PSMF1: variants seen among roughly 807,000 people sequenced by gnomAD.
PSMF1 encodes the protein proteasome inhibitor PI31 subunit.
Under a neutral mutation model 29.3 loss-of-function variants are expected in PSMF1, and 30 were observed. That is an observed-to-expected ratio of 1.02 (90% CI 0.77 to 1.39). The LOEUF (loss-of-function observed/expected upper bound fraction) is 1.39. Among genes scored for constraint, PSMF1 ranks in the 40% most tolerant of loss-of-function variants. The probability of loss-of-function intolerance (pLI) is 0.00; values close to 1 mark genes in which losing one functional copy is unlikely to be tolerated. For synonymous variants in PSMF1, 134 were observed against 139.7 expected (o/e 0.96, Z 0.29); for missense variants, 344 against 357.5 (o/e 0.96, Z 0.31).
intron 3 of PSMF1, among the ~76,000 whole-genome samples, chr20:1,127,822 C>A (rs1385633210): frequency 6.6e-6 from 1 of 152,020 alleles, no homozygotes; most frequent in Non-Finnish European, 1.5e-5. Context: ...CTCATTGGGT[C>A]CCCAACCCCA....
chr20:1,138,669 T>A (rs765412107), intron 4 of PSMF1, among the ~76,000 whole-genome samples: 1 of 151,170 alleles, frequency 6.6e-6, no homozygotes, highest in Non-Finnish European at 1.5e-5. Context: ...ACAAAAAAAA[T>A]TAAAAATTAG....
At chr20:1,141,980 G>A (rs994424514) in intron 4 of PSMF1, among the ~76,000 whole-genome samples, 2 of 152,094 alleles carry the variant, frequency 1.3e-5, no homozygotes, top group Non-Finnish European at 2.9e-5. Flanking sequence ...GCACTTTGGA[G>A]GCCGAAGAGG....
chr20:1,123,806 A>G (rs1452201797), intron 1 of PSMF1, among the ~76,000 whole-genome samples: 1 of 152,268 alleles, frequency 6.6e-6, no homozygotes, highest in Non-Finnish European at 1.5e-5. Context: ...GCCCACCAGC[A>G]GGGACTGGAG....
At chr20:1,161,823 T>G (rs1005143464) in intron 4 of PSMF1, 1 of 325,606 alleles carries the variant, frequency 3.1e-6, no homozygotes, top group Non-Finnish European at 5.7e-6. Context: ...GGAAAGAAAT[T>G]TGTCCTTGAA....
upstream of PSMF1, among the ~76,000 whole-genome samples, chr20:1,115,894 G>A (rs931609422): frequency 2.0e-4 from 31 of 151,836 alleles, no homozygotes; most frequent in African/African-American, 6.8e-4. Context: ...CACCACGCCC[G>A]GCTAATTTTT....
chr20:1,146,807 C>T (rs1304014106), intron 4 of PSMF1, among the ~76,000 whole-genome samples: 1 of 152,182 alleles, frequency 6.6e-6, no homozygotes. Context: ...ATAATTATAG[C>T]TGTGTCAAAG....
At chr20:1,124,680 C>T (rs556397879) in intron 1 of PSMF1, among the ~76,000 whole-genome samples, 67 of 152,330 alleles carry the variant, frequency 4.4e-4, no homozygotes, top group African/African-American at 1.6e-3. Context: ...GCAGCATAGT[C>T]ATACAGAATG....
chr20:1,142,398 C>A (rs930573764), intron 4 of PSMF1, among the ~76,000 whole-genome samples: 4 of 152,072 alleles, frequency 2.6e-5, no homozygotes, highest in African/African-American at 9.7e-5. Flanking sequence ...TTAGGTATTT[C>A]TCCTAATGCT....
intron 4 of PSMF1, among the ~76,000 whole-genome samples, chr20:1,153,848 A>G (rs986228736): frequency 2.6e-5 from 4 of 152,198 alleles, no homozygotes; most frequent in Non-Finnish European, 5.9e-5. Context: ...TCAGTTGACC[A>G]AAGAAACAAG....
chr20:1,126,339 GCTGTATGTATTATA>G (rs1369844777), intron 2 of PSMF1, among the ~76,000 whole-genome samples: 2 of 152,118 alleles, frequency 1.3e-5, no homozygotes, highest in Non-Finnish European at 1.5e-5. Context: ...GAAGTATCCT[GCTGTATGTATTATA>G]CTGCACTTTG....
rs937422150 is a variant in PSMF1 at position 1,125,843 on chromosome 20, C to G, written c.282+193C>G. 9 of 757,674 alleles carry G rather than the reference C, an allele frequency of 1.2e-5. No individual in the cohort carries two copies. In the African/African-American group the frequency reaches 1.5e-4, roughly 13 times the overall value. The allele number at this position is 757,674 out of a possible 1,614,324, so 46.9% of individuals were successfully genotyped here. A position where few individuals can be genotyped will look rare whatever the true frequency, so the allele number is the denominator to read the frequency against. On this transcript the variant is annotated intron_variant, in intron 2 of 6. Transcript: ENST00000335877. ...CTTCGTGCACAAAGGTATCCACCAC[C>G]TGGAATTAAGAAGGAGGGGCTTTCT...
Position 1,170,257 on chromosome 20 carries a change from T to TA in PSMF1, c.*5180dup, listed in dbSNP as rs2086777079. Among the ~76,000 whole-genome samples the TA allele has an allele frequency of 1.3e-5, 2 of 152,194 alleles. No homozygotes were observed. Among genetic ancestry groups the TA allele is most frequent in the South Asian group, 4.1e-4 (2 of 4,830 alleles). ...GTTCTCCATGAGATTTGTGTAAACT[T>TA]AAAGTGAGAGAAGCTCACATGGACT... On this transcript the variant is annotated 3_prime_UTR_variant, in exon 7 of 7. Transcript: ENST00000335877.
chr20:1,169,948 G>A lies in PSMF1; in HGVS notation c.*4868G>A, dbSNP rs2122636735. Among the ~76,000 whole-genome samples, 1 of 152,296 alleles carries A rather than the reference G, an allele frequency of 6.6e-6. No individual in the cohort carries two copies. Among genetic ancestry groups the A allele is most frequent in the Admixed American group, 6.5e-5 (1 of 15,302 alleles). On this transcript the variant is annotated 3_prime_UTR_variant, in exon 7 of 7. Coordinates refer to ENST00000335877, the MANE Select transcript of PSMF1 (RefSeq NM_006814.5). The stretch of plus-strand genomic sequence containing the variant: ...TGATATAAATGGGTACCACAGCCTT[G>A]CATGCCTGAGCCTAACCATCTCCTG...
At chr20:1,114,144 C>T (rs182041511), upstream of PSMF1, among the ~76,000 whole-genome samples, 351 of 152,336 alleles carry the variant, frequency 2.3e-3, no homozygotes, top group Non-Finnish European at 3.5e-3. Flanking sequence ...GCCTGAGGGC[C>T]TTCCAGGACC....
intron 3 of PSMF1, 46 bp from the exon 4 acceptor site, chr20:1,135,075 T>C (rs1568469844): frequency 6.2e-7 from 1 of 1,601,680 alleles, no homozygotes; most frequent in Non-Finnish European, 8.6e-7. Context: ...ACTTCCAGGG[T>C]TCCTAGCCAA....
chr20:1,132,921 T>C (rs2086248877), intron 3 of PSMF1, among the ~76,000 whole-genome samples: 1 of 151,710 alleles, frequency 6.6e-6, no homozygotes, highest in Non-Finnish European at 1.5e-5. Flanking sequence ...TGTGTTGAAC[T>C]CTTCTATCCT....
At position 1,165,390 on chromosome 20, in the gene PSMF1, G is replaced by A. The variant is rs1466789500; in HGVS notation, c.*310G>A. The stretch of plus-strand genomic sequence containing the variant: ...GCAACCTTCAGCAACATATATCCTC[G>A]ACCAGATGCAGTGCTATAAGAACAG... On this transcript the variant is annotated 3_prime_UTR_variant, in exon 7 of 7. Coordinates refer to ENST00000335877, the MANE Select transcript of PSMF1 (RefSeq NM_006814.5). 6.2e-6 allele frequency: 8 copies of A among 1,280,746 alleles called. No homozygotes were observed. Among genetic ancestry groups the A allele is most frequent in the South Asian group, 2.2e-5 (1 of 44,786 alleles). 79.3% of individuals were successfully genotyped at this position (1,280,746 alleles called of 1,614,324 possible). A position where few individuals can be genotyped will look rare whatever the true frequency, so the allele number is the denominator to read the frequency against.
intron 4 of PSMF1, among the ~76,000 whole-genome samples, chr20:1,140,020 C>T (rs2086361760): frequency 6.6e-6 from 1 of 152,122 alleles, no homozygotes; most frequent in African/African-American, 2.4e-5. Context: ...AGCCATACTC[C>T]CCACTTGATC....
At chr20:1,115,990 C>A (rs1012165939), upstream of PSMF1, among the ~76,000 whole-genome samples, 2 of 151,298 alleles carry the variant, frequency 1.3e-5, no homozygotes, top group South Asian at 4.2e-4. Flanking sequence ...CTCAGCCTCC[C>A]AAAGTGCTGG....
Sources: gnomAD v4.1 joint callset for allele counts (sites outside exome capture counted in the v4.1 genomes callset) on GRCh38, gnomAD v4.1.1 for gene constraint, MANE v1.5 for transcripts, NCBI Gene and HGNC (gene_info 2026-07-23, HGNC 2026-07-21) for gene names.